APOO: variants seen among roughly 807,000 people sequenced by gnomAD.
APOO encodes MICOS complex subunit MIC26.
A neutral mutation model predicts 23.1 loss-of-function variants in APOO; 11 were observed. That is an observed-to-expected ratio of 0.48 (90% CI 0.30 to 0.79). The LOEUF (loss-of-function observed/expected upper bound fraction) is 0.79. Among genes scored for constraint, APOO ranks in the 30% least tolerant of loss-of-function variants. The pLI, the probability that APOO is intolerant of heterozygous loss-of-function variation, is 0.07. For synonymous variants in APOO, 59 were observed against 54.8 expected (o/e 1.08, Z -0.34); for missense variants, 160 against 142.7 (o/e 1.12, Z -0.62).
chrX:23,877,572 G>C (rs764288760), intron 3 of APOO, among the ~76,000 whole-genome samples: 25 of 111,189 alleles, frequency 2.2e-4, no homozygotes, highest in Non-Finnish European at 3.6e-4. Context: ...TCAGGAGTTC[G>C]ACATCAGCCT....
chrX:23,840,363 C>A lies in APOO; in HGVS notation c.576G>T (p.Lys192Asn). 2.5e-6 allele frequency: 3 copies of A among 1,200,170 alleles called. No individual in the cohort carries two copies. Among genetic ancestry groups the A allele is most frequent in the Admixed American group, 2.2e-5 (1 of 44,632 alleles). Residue 192 changes from lysine to asparagine, a missense_variant, in exon 8 of 9, where the codon AAG becomes AAT. Physicochemically the swap from Lys to Asn is moderately conservative, Grantham distance 94 (BLOSUM62 0). Transcript: ENST00000379226. Reference sequence around the variant, plus strand: ...TTTTCTACTTAGTTCCAGGTGAATTCTTCACATTTCCTGGCTTTTAAAACA... The same window carrying A: ...TTTTCTACTTAGTTCCAGGTGAATTATTCACATTTCCTGGCTTTTAAAACA... ...KENFQKPGNV[K>N]NSPGTK
chrX:23,882,937 G>A (rs1003767803), intron 1 of APOO, among the ~76,000 whole-genome samples: 1 of 111,244 alleles, frequency 9.0e-6, no homozygotes, highest in African/African-American at 3.3e-5. Flanking sequence ...GTGAACCACT[G>A]CACTTGGCCT....
chrX:23,899,788 G>C (rs763113167), intron 1 of APOO, among the ~76,000 whole-genome samples: 142 of 112,453 alleles, frequency 1.3e-3, no homozygotes, highest in Non-Finnish European at 1.4e-3. Context: ...AAACAAATAT[G>C]CAAGTTCGTT....
intron 3 of APOO, among the ~76,000 whole-genome samples, chrX:23,876,819 A>G (rs1318837683): frequency 8.9e-6 from 1 of 112,168 alleles, no homozygotes; most frequent in Non-Finnish European, 1.9e-5. Context: ...AACAAAGAAC[A>G]AAAAAACAAA....
intron 5 of APOO, among the ~76,000 whole-genome samples, chrX:23,864,261 C>T (rs1169332011): frequency 1.4e-4 from 15 of 110,860 alleles, no homozygotes; most frequent in Non-Finnish European, 2.6e-4. Flanking sequence ...TCCCAAAGTG[C>T]TGGGATTACA....
chrX:23,895,925 T>C (rs1284926650), intron 1 of APOO, among the ~76,000 whole-genome samples: 2 of 109,890 alleles, frequency 1.8e-5, no homozygotes, highest in Non-Finnish European at 3.8e-5. Context: ...ACCGAGTTTT[T>C]TGAAAATGTC....
At chrX:23,855,628 T>C (rs1217542970) in intron 7 of APOO, among the ~76,000 whole-genome samples, 2 of 111,811 alleles carry the variant, frequency 1.8e-5, no homozygotes, top group Non-Finnish European at 3.8e-5. Context: ...TACCTTATTC[T>C]CTACTCATTC....
At chrX:23,856,784 C>T (rs936861737) in intron 6 of APOO, among the ~76,000 whole-genome samples, 4 of 112,774 alleles carry the variant, frequency 3.5e-5, no homozygotes, top group Non-Finnish European at 5.6e-5. Context: ...GAACTCCTGG[C>T]CTCAGGTGAT....
intron 5 of APOO, among the ~76,000 whole-genome samples, chrX:23,863,487 A>C (rs996060325): frequency 8.9e-6 from 1 of 112,056 alleles, no homozygotes; most frequent in Admixed American, 9.6e-5. Flanking sequence ...ACTGACTCTC[A>C]CATCTACAAC....
intron 5 of APOO, among the ~76,000 whole-genome samples, chrX:23,860,382 C>T (rs184371763): frequency 9.0e-6 from 1 of 110,888 alleles, no homozygotes; most frequent in African/African-American, 3.3e-5. Flanking sequence ...GTTAAAAAAC[C>T]CAGTAAACCA....
In APOO at chrX:23,907,769, C is replaced by A. The variant is rs1198359128; in HGVS notation, c.-67G>T. On this transcript the variant is annotated 5_prime_UTR_variant, in exon 1 of 9. Coordinates refer to ENST00000379226, the MANE Select transcript of APOO (RefSeq NM_024122.5). ...GGCCACGCCCACTATAGAGAGGTGA[C>A]TACGGAGGCCCGGTAGGGCCTTGAT... is the stretch of plus-strand genomic sequence containing the variant. 1 of 1,106,909 alleles carries A rather than the reference C, an allele frequency of 9.0e-7. No homozygotes were observed. The highest frequency in any genetic ancestry group is 3.0e-5 in the Admixed American group (1 of 33,853). The allele number at this position is 1,106,909 out of a possible 1,213,427, so 91.2% of individuals were successfully genotyped here.
At chrX:23,903,238 G>A (rs973732367) in intron 1 of APOO, among the ~76,000 whole-genome samples, 12 of 110,450 alleles carry the variant, frequency 1.1e-4, no homozygotes, top group Non-Finnish European at 1.7e-4. Context: ...GCATGGTGGC[G>A]CGCACCTGTC....
intron 7 of APOO, among the ~76,000 whole-genome samples, chrX:23,843,397 T>C (rs1247938791): frequency 9.0e-6 from 1 of 110,844 alleles, no homozygotes; most frequent in Non-Finnish European, 1.9e-5. Flanking sequence ...CTCCAGGATC[T>C]CAGACAAAAC....
intron 5 of APOO, among the ~76,000 whole-genome samples, chrX:23,863,864 C>A (rs928220191): frequency 1.8e-5 from 2 of 110,544 alleles, no homozygotes; most frequent in Non-Finnish European, 3.8e-5. Flanking sequence ...CCTGGAGAAA[C>A]CTGAGAATGA....
chrX:23,849,478 C>T (rs140468116), intron 7 of APOO, among the ~76,000 whole-genome samples: 84 of 105,581 alleles, frequency 8.0e-4, no homozygotes, highest in Admixed American at 8.4e-4. Flanking sequence ...AAACCCAAAC[C>T]GTTGGAAACT....
intron 1 of APOO, among the ~76,000 whole-genome samples, chrX:23,881,973 AAAAT>A: frequency 9.6e-6 from 1 of 104,285 alleles, no homozygotes; most frequent in African/African-American, 3.5e-5. Flanking sequence ...AAAAAAAAAA[AAAAT>A]TCAGACCCCT....
rs1026676063 is a variant in APOO, at chrX:23,844,253, T to A, written c.562-3876A>T. Among the ~76,000 whole-genome samples, 6 of 111,734 alleles carry A rather than the reference T, an allele frequency of 5.4e-5. No homozygotes were observed. In the Admixed American group the frequency reaches 5.8e-4, roughly 11 times the overall value. ...GAAGAAAATAAAAGGTAAGGATAAA[T>A]GACCTGTTAAAGACCCCAACACAAT... On this transcript the variant is annotated intron_variant, in intron 7 of 8. Coordinates refer to ENST00000379226, the MANE Select transcript of APOO (RefSeq NM_024122.5).
chrX:23,885,606 G>C (rs1421444427), intron 1 of APOO, among the ~76,000 whole-genome samples: 2 of 109,097 alleles, frequency 1.8e-5, no homozygotes, highest in Non-Finnish European at 3.8e-5. Flanking sequence ...ACATTTTATT[G>C]GATTCTTAAT....
intron 7 of APOO, among the ~76,000 whole-genome samples, chrX:23,845,909 A>G (rs1924204507): frequency 8.9e-6 from 1 of 112,069 alleles, no homozygotes; most frequent in African/African-American, 3.2e-5. Context: ...TTCAGCAGTC[A>G]TTGTACAATT....
Sources: allele counts gnomAD v4.1 joint callset (sites outside exome capture counted in the v4.1 genomes callset), GRCh38; gene constraint gnomAD v4.1.1; transcripts MANE v1.5; gene names NCBI Gene and HGNC (gene_info 2026-07-23, HGNC 2026-07-21).